Variants in HSD17B12 observed in about 807,000 individuals in gnomAD.
HSD17B12 encodes hydroxysteroid 17-beta dehydrogenase 12.
In HSD17B12, 32 loss-of-function variants were observed where a neutral mutation model predicts 39.3. The observed-to-expected ratio is 0.81, with a 90% CI of 0.61 to 1.09. The LOEUF is 1.09. Among genes scored for constraint, HSD17B12 ranks in the 50% least tolerant of loss-of-function variants. HSD17B12 has a pLI of 0.00. For synonymous variants in HSD17B12, 150 were observed against 146.7 expected (o/e 1.02, Z -0.16); for missense variants, 342 against 382.9 (o/e 0.89, Z 0.89).
chr11:43,790,897 G>A (rs997078709), intron 3 of HSD17B12, among the ~76,000 whole-genome samples: 16 of 152,138 alleles, frequency 1.1e-4, no homozygotes, highest in Admixed American at 3.3e-4. Flanking sequence ...GGAAGGCTGA[G>A]GCAGGAGAAT....
At chr11:43,781,448 C>G (rs1389027755) in intron 3 of HSD17B12, among the ~76,000 whole-genome samples, 1 of 152,154 alleles carries the variant, frequency 6.6e-6, no homozygotes, top group Non-Finnish European at 1.5e-5. Context: ...ACCACATTCA[C>G]ACAAATGCCA....
the HSD17B12 span, among the ~76,000 whole-genome samples, chr11:43,612,409 C>G: frequency 6.6e-6 from 1 of 152,148 alleles, no homozygotes; most frequent in African/African-American, 2.4e-5. Context: ...GTGGGAAAGT[C>G]TGGGTTTGGT....
the HSD17B12 span, chr11:43,646,059 C>G: frequency 1.3e-5 from 2 of 151,966 alleles, no homozygotes; most frequent in African/African-American, 4.8e-5. Context: ...GCAGGAGAAT[C>G]GGCTTGAACC....
chr11:43,560,423 TAAG>T, the HSD17B12 span, among the ~76,000 whole-genome samples: 7 of 152,200 alleles, frequency 4.6e-5, no homozygotes, highest in Non-Finnish European at 7.4e-5. Flanking sequence ...GGAACATAAG[TAAG>T]AAATGCTACT....
chr11:43,756,836 AC>A (rs1950511497), intron 3 of HSD17B12, among the ~76,000 whole-genome samples: 1 of 152,246 alleles, frequency 6.6e-6, no homozygotes, highest in Non-Finnish European at 1.5e-5. Context: ...ATGAGGTGGC[AC>A]GTGACTGTTG....
At chr11:43,675,148 T>C in the HSD17B12 span, among the ~76,000 whole-genome samples, 1 of 152,228 alleles carries the variant, frequency 6.6e-6, no homozygotes, top group East Asian at 1.9e-4. Context: ...CTTACATTCA[T>C]TCTATTAGGT....
intron 1 of HSD17B12, among the ~76,000 whole-genome samples, chr11:43,725,685 G>C (rs1225537739): frequency 6.6e-6 from 1 of 152,062 alleles, no homozygotes; most frequent in Non-Finnish European, 1.5e-5. Context: ...TTCTAATTGG[G>C]GAGAGAGACA....
intron 1 of HSD17B12, among the ~76,000 whole-genome samples, chr11:43,697,933 A>G (rs1436114692): frequency 2.0e-5 from 3 of 152,218 alleles, no homozygotes; most frequent in Admixed American, 6.5e-5. Context: ...GTAGAGTGTC[A>G]TGATCAAGTT....
At position 43,774,128 on chromosome 11, in the gene HSD17B12, C is replaced by T. The variant is rs4755738; in HGVS notation, c.283+20007C>T. 7.0e-3 allele frequency among the ~76,000 whole-genome samples: 1,063 copies of T among 152,142 alleles called. 19 individuals carry two copies. The highest frequency in any genetic ancestry group is 0.062 in the East Asian group (322 of 5,170). On this transcript the variant is annotated intron_variant, in intron 3 of 10. Coordinates refer to ENST00000278353, the MANE Select transcript of HSD17B12 (RefSeq NM_016142.3). ...AAGGTGTCAGCTCTAGCTGTTACTACGCTGTAGGGCAAGCTCAGGGGTGCC... is the reference window on the plus strand; with the variant it reads ...AAGGTGTCAGCTCTAGCTGTTACTATGCTGTAGGGCAAGCTCAGGGGTGCC...
At chr11:43,658,817 C>T in the HSD17B12 span, among the ~76,000 whole-genome samples, 1 of 152,198 alleles carries the variant, frequency 6.6e-6, no homozygotes, top group Non-Finnish European at 1.5e-5. Flanking sequence ...GGGGGTGCCT[C>T]CCAGTTAGGC....
At chr11:43,566,849 A>G in the HSD17B12 span, among the ~76,000 whole-genome samples, 2 of 152,192 alleles carry the variant, frequency 1.3e-5, no homozygotes, top group African/African-American at 4.8e-5. Flanking sequence ...TAAAAATAAT[A>G]ATAATAAGAT....
At position 43,856,033 on chromosome 11, in the gene HSD17B12, T is replaced by G. The variant is rs1230333503; in HGVS notation, c.*785T>G. 2.0e-5 allele frequency: 3 copies of G among 152,546 alleles called. No individual in the cohort carries two copies. The highest frequency in any genetic ancestry group is 7.2e-5 in the African/African-American group (3 of 41,408). The allele number at this position is 152,546 out of a possible 1,614,324, so 9.4% of individuals were successfully genotyped here. On this transcript the variant is annotated 3_prime_UTR_variant, in exon 11 of 11. Transcript: ENST00000278353. ...AAAGTGGCTTGCTTGGACACCCAGC[T>G]GCCTTTGTTTCTGCATTAAACCAAT... is the stretch of plus-strand genomic sequence containing the variant.
chr11:43,740,323 G>C (rs1950352762), intron 1 of HSD17B12, among the ~76,000 whole-genome samples: 1 of 152,098 alleles, frequency 6.6e-6, no homozygotes, highest in Non-Finnish European at 1.5e-5. Context: ...GACATACCTT[G>C]AGCAAATATT....
At chr11:43,597,443 T>C in the HSD17B12 span, among the ~76,000 whole-genome samples, 1 of 152,156 alleles carries the variant, frequency 6.6e-6, no homozygotes, top group Non-Finnish European at 1.5e-5. Context: ...GGAAGTTGAA[T>C]GCTGAACGAA....
chr11:43,794,864 T>G (rs987670124), intron 3 of HSD17B12, among the ~76,000 whole-genome samples: 1 of 152,180 alleles, frequency 6.6e-6, no homozygotes, highest in Non-Finnish European at 1.5e-5. Flanking sequence ...TTATTTCAAC[T>G]CCTACTCTGG....
intron 3 of HSD17B12, among the ~76,000 whole-genome samples, chr11:43,791,684 A>G (rs570341032): frequency 3.0e-4 from 46 of 152,358 alleles, no homozygotes; most frequent in African/African-American, 1.1e-3. Context: ...TGGTTTGTAC[A>G]AGAGTCTACA....
At chr11:43,592,768 A>AT in the HSD17B12 span, among the ~76,000 whole-genome samples, 383 of 150,378 alleles carry the variant, frequency 2.5e-3, 1 homozygote, top group Non-Finnish European at 3.0e-3. Context: ...TTATAGAGCC[A>AT]TTTTTTTTTA....
At chr11:43,601,027 T>C in the HSD17B12 span, among the ~76,000 whole-genome samples, 1 of 151,828 alleles carries the variant, frequency 6.6e-6, no homozygotes, top group Non-Finnish European at 1.5e-5. Context: ...TTCAATCCTT[T>C]ATTCTATAAC....
chr11:43,698,828 C>G (rs931620583), intron 1 of HSD17B12, among the ~76,000 whole-genome samples: 6 of 152,172 alleles, frequency 3.9e-5, no homozygotes, highest in Admixed American at 1.3e-4. Context: ...GTGTGAGGTT[C>G]ACATTGCTTC....
Sources: gnomAD v4.1 joint callset for allele counts (sites outside exome capture counted in the v4.1 genomes callset) on GRCh38, gnomAD v4.1.1 for gene constraint, MANE v1.5 for transcripts, NCBI Gene and HGNC (gene_info 2026-07-23, HGNC 2026-07-21) for gene names.